Variants in GLDN observed in about 807,000 individuals in gnomAD.
GLDN encodes collomin.
Under a neutral mutation model 56.5 loss-of-function variants are expected in GLDN, and 47 were observed. The ratio of observed to expected loss-of-function variants is 0.83; its 90% confidence interval spans 0.66 to 1.06. The LOEUF is 1.06. Among genes scored for constraint, GLDN ranks in the 50% least tolerant of loss-of-function variants. GLDN has a pLI of 0.00. For synonymous variants in GLDN, 332 were observed against 278.8 expected (o/e 1.19, Z -1.90); for missense variants, 782 against 714.3 (o/e 1.09, Z -1.08).
chr15:51,374,409 T>A (rs995585741), intron 1 of GLDN, among the ~76,000 whole-genome samples: 3 of 152,200 alleles, frequency 2.0e-5, no homozygotes, highest in African/African-American at 7.2e-5. Flanking sequence ...GTGAATCAAT[T>A]TTTTTTCTGT....
chr15:51,404,726 A>G lies in GLDN; in HGVS notation c.1628A>G (p.Gln543Arg). 6.2e-7 allele frequency: 1 copy of G among 1,600,638 alleles called. No homozygotes were observed. Among genetic ancestry groups the G allele is most frequent in the East Asian group, 2.2e-5 (1 of 44,786 alleles). The change falls in exon 10 of 10, where the codon CAG (glutamine) becomes CGG (arginine). Residue 543 changes from glutamine (Q) to arginine (R), a missense_variant. Coordinates refer to ENST00000335449, the MANE Select transcript of GLDN (RefSeq NM_181789.4). ...EDGHLMLYPV[Q>R]FLSTTLNQ ...GGCCATTTAATGCTTTATCCTGTGC[A>G]GTTTTTGTCAACTACCTTAAATCAG...
intron 1 of GLDN, among the ~76,000 whole-genome samples, chr15:51,375,506 G>A (rs1458414529): frequency 6.6e-6 from 1 of 152,214 alleles, no homozygotes. Flanking sequence ...TTCAGTAGCA[G>A]CCTATGAATT....
rs143472345 is a variant in GLDN, at chr15:51,370,274, C to T, written c.364-7175C>T. On this transcript the variant is annotated intron_variant, in intron 1 of 9. Transcript: ENST00000335449. The stretch of plus-strand genomic sequence containing the variant: ...TGAGTGTTTCTCACCACCTCTTACC[C>T]AGCATCCTCTGATGGGATCAGAGTC... 3.2e-3 allele frequency among the ~76,000 whole-genome samples: 493 copies of T among 152,316 alleles called. 3 individuals carry two copies. The highest frequency in any genetic ancestry group is 0.011 in the African/African-American group (472 of 41,574).
At chr15:51,409,441 A>G (rs1016143704), downstream of GLDN, among the ~76,000 whole-genome samples, 7 of 152,158 alleles carry the variant, frequency 4.6e-5, no homozygotes, top group African/African-American at 1.7e-4. Flanking sequence ...TCTTCTATCT[A>G]TTCACTGTAA....
chr15:51,401,483 G>A (rs2038247935), intron 8 of GLDN, 110 bp from the exon 9 acceptor site: 3 of 941,224 alleles, frequency 3.2e-6, no homozygotes, highest in Non-Finnish European at 5.0e-6. Flanking sequence ...GGGACCTTAG[G>A]GAACATTTCA....
At chr15:51,396,066 C>A (rs536936273) in intron 5 of GLDN, among the ~76,000 whole-genome samples, 12 of 152,218 alleles carry the variant, frequency 7.9e-5, no homozygotes, top group African/African-American at 2.9e-4. Context: ...CCACCTCCAA[C>A]ACTGGGGATT....
chr15:51,364,503 C>T (rs2037363388), intron 1 of GLDN, among the ~76,000 whole-genome samples: 1 of 152,184 alleles, frequency 6.6e-6, no homozygotes. Flanking sequence ...CTTTGGCCTC[C>T]CAAAGTGCTG....
At chr15:51,384,133 C>G in intron 4 of GLDN, 1 of 503,544 alleles carries the variant, frequency 2.0e-6, no homozygotes. Context: ...GACTCGCACC[C>G]TTCTGCTGCA....
chr15:51,397,930 C>T (rs2038170193), intron 6 of GLDN, among the ~76,000 whole-genome samples: 1 of 152,178 alleles, frequency 6.6e-6, no homozygotes, highest in African/African-American at 2.4e-5. Context: ...TTTTTGCACT[C>T]TTGAGAAGTG....
intron 4 of GLDN, among the ~76,000 whole-genome samples, chr15:51,386,538 C>G (rs181410981): frequency 1.3e-5 from 2 of 152,174 alleles, no homozygotes; most frequent in African/African-American, 4.8e-5. Context: ...TTCTGAGGGC[C>G]ATGAGAAGCC....
chr15:51,368,960 T>C (rs532581078), intron 1 of GLDN: 1 of 152,320 alleles, frequency 6.6e-6, no homozygotes, highest in East Asian at 1.9e-4. Flanking sequence ...TGGCCTTGGG[T>C]ACTAAACTGT....
At chr15:51,400,623 CTT>C (rs2038230744) in intron 8 of GLDN, 125 bp downstream of exon 8, 1 of 1,080,134 alleles carries the variant, frequency 9.3e-7, no homozygotes, top group Non-Finnish European at 1.3e-6. Context: ...ATAAATGTCT[CTT>C]TATTTTAGAA....
At chr15:51,346,787 C>T (rs1344266700) in intron 1 of GLDN, among the ~76,000 whole-genome samples, 5 of 152,130 alleles carry the variant, frequency 3.3e-5, no homozygotes, top group South Asian at 2.1e-4. Flanking sequence ...ACTAGGAGGC[C>T]GGGTGTGGTC....
rs1190769593 is a variant in GLDN, at chr15:51,404,285, T to A, written c.1187T>A (p.Phe396Tyr). ...TTGTTTGCATATTTCAGATTTGAAT[T>A]TGGCCAGGAAACATCCCAAACTCTG... ...GGSNTLVRFEFGQETSQTLKL... is the reference protein window; with the variant it reads ...GGSNTLVRFEYGQETSQTLKL... Residue 396 changes from phenylalanine to tyrosine, a missense_variant, in exon 10 of 10, where the codon TTT becomes TAT. By Grantham distance (22) the Phe-to-Tyr change is conservative (BLOSUM62 3). Coordinates refer to ENST00000335449, the MANE Select transcript of GLDN (RefSeq NM_181789.4). 6.3e-7 allele frequency: 1 copy of A among 1,582,888 alleles called. No homozygotes were observed. The highest frequency in any genetic ancestry group is 8.6e-7 in the Non-Finnish European group (1 of 1,167,556).
At chr15:51,373,799 A>G (rs1410271911) in intron 1 of GLDN, among the ~76,000 whole-genome samples, 3 of 152,240 alleles carry the variant, frequency 2.0e-5, no homozygotes, top group Non-Finnish European at 4.4e-5. Context: ...CCCCAGGACA[A>G]TGACCTCTAA....
intron 4 of GLDN, 165 bp downstream of exon 4, chr15:51,384,057 G>A (rs1032225912): frequency 1.7e-5 from 12 of 690,886 alleles, no homozygotes; most frequent in Middle Eastern, 4.7e-4. Flanking sequence ...GATACCAAGG[G>A]TATACTTCTT....
At chr15:51,410,820 A>G (rs1336277063), downstream of GLDN, among the ~76,000 whole-genome samples, 2 of 152,210 alleles carry the variant, frequency 1.3e-5, no homozygotes, top group Non-Finnish European at 2.9e-5. Flanking sequence ...GGAGCCTTGC[A>G]TTTATATTTA....
chr15:51,402,973 T>G (rs1206965886), intron 9 of GLDN, among the ~76,000 whole-genome samples: 2 of 152,216 alleles, frequency 1.3e-5, no homozygotes, highest in Non-Finnish European at 1.5e-5. Context: ...CCTCCGATGC[T>G]TCTCACTGAA....
rs1361749302 is a variant in GLDN at position 51,407,837 on chromosome 15, G to A, written c.*3083G>A. 6.6e-6 allele frequency: 1 copy of A among 152,196 alleles called. No homozygotes were observed. The highest frequency in any genetic ancestry group is 1.5e-5 in the Non-Finnish European group (1 of 68,036). 9.4% of individuals were successfully genotyped at this position (152,196 alleles called of 1,614,324 possible). ...GATGGCAAGTGAAGGAGAAATGAGT[G>A]ATAGGGCTTTGCGTTTTCATCCAGA... On this transcript the variant is annotated 3_prime_UTR_variant, in exon 10 of 10. Transcript: ENST00000335449.
Sources: gnomAD v4.1 joint callset for allele counts (sites outside exome capture counted in the v4.1 genomes callset) on GRCh38, gnomAD v4.1.1 for gene constraint, MANE v1.5 for transcripts, NCBI Gene and HGNC (gene_info 2026-07-23, HGNC 2026-07-21) for gene names.